SLC9A2: variants seen among roughly 807,000 people sequenced by gnomAD.
The protein encoded by SLC9A2 is sodium/hydrogen exchanger 2.
In SLC9A2, 42 loss-of-function variants were observed where a neutral mutation model predicts 71.7. That is an observed-to-expected ratio of 0.59 (90% CI 0.46 to 0.76). SLC9A2 has a LOEUF of 0.76. Ranked by LOEUF, SLC9A2 falls within the 30% of genes least tolerant of loss-of-function variation. SLC9A2 has a pLI of 0.00. For missense variants in SLC9A2, 829 were observed against 1,017.4 expected (o/e 0.81, Z 2.52); for synonymous variants, 396 against 392.5 (o/e 1.01, Z -0.10).
intron 1 of SLC9A2, among the ~76,000 whole-genome samples, chr2:102,631,055 C>A (rs2104499933): frequency 6.6e-6 from 1 of 152,060 alleles, no homozygotes; most frequent in East Asian, 1.9e-4. Context: ...AATGTTCTTA[C>A]AAAATGGTTT....
At chr2:102,668,825 T>C (rs1573417539) in intron 3 of SLC9A2, among the ~76,000 whole-genome samples, 1 of 152,238 alleles carries the variant, frequency 6.6e-6, no homozygotes, top group Non-Finnish European at 1.5e-5. Context: ...CCATTCATCC[T>C]TCCTTCTGTC....
chr2:102,638,879 T>G (rs1215552363), intron 1 of SLC9A2, among the ~76,000 whole-genome samples: 3 of 152,240 alleles, frequency 2.0e-5, no homozygotes, highest in African/African-American at 7.2e-5. Flanking sequence ...TGCTCTTTTT[T>G]CACTGAACAT....
At chr2:102,690,617 A>G in intron 5 of SLC9A2, among the ~76,000 whole-genome samples, 1 of 152,128 alleles carries the variant, frequency 6.6e-6, no homozygotes, top group East Asian at 1.9e-4. Context: ...AGAAGGGGAA[A>G]TCAGTGTGCA....
chr2:102,688,081 C>T (rs560460217), intron 5 of SLC9A2, among the ~76,000 whole-genome samples: 4 of 152,032 alleles, frequency 2.6e-5, no homozygotes, highest in East Asian at 1.9e-4. Context: ...CATGCCCGGC[C>T]GTGGAATATT....
intron 1 of SLC9A2, among the ~76,000 whole-genome samples, chr2:102,646,583 G>T (rs1044981730): frequency 6.6e-6 from 1 of 151,904 alleles, no homozygotes; most frequent in African/African-American, 2.4e-5. Flanking sequence ...ACACACACAG[G>T]CTCAAAATAA....
rs1332568813 is a variant in SLC9A2, at chr2:102,710,764, A to T, written c.*2275A>T. 1 of 152,328 alleles carries T rather than the reference A, an allele frequency of 6.6e-6. No homozygotes were observed. Among genetic ancestry groups the T allele is most frequent in the African/African-American group, 2.4e-5 (1 of 41,450 alleles). 9.4% of individuals were successfully genotyped at this position (152,328 alleles called of 1,614,324 possible). On this transcript the variant is annotated 3_prime_UTR_variant, in exon 12 of 12. Transcript: ENST00000233969. ...TTTTCACAATCTAAATATTGTCACAATCTAAATTTCTGTAGTAGAGAGAGC... is the reference window on the plus strand; with the variant it reads ...TTTTCACAATCTAAATATTGTCACATTCTAAATTTCTGTAGTAGAGAGAGC...
intron 3 of SLC9A2, among the ~76,000 whole-genome samples, chr2:102,676,165 G>T (rs922262769): frequency 1.3e-5 from 2 of 152,214 alleles, no homozygotes; most frequent in African/African-American, 4.8e-5. Flanking sequence ...ATTGTTGCAT[G>T]CAGGTTTCAC....
At chr2:102,643,563 A>G (rs1458363385) in intron 1 of SLC9A2, among the ~76,000 whole-genome samples, 2 of 152,296 alleles carry the variant, frequency 1.3e-5, no homozygotes, top group East Asian at 3.9e-4. Flanking sequence ...CATGAGAGAC[A>G]AAAAGAAGAC....
At chr2:102,675,735 T>C (rs530665987) in intron 3 of SLC9A2, among the ~76,000 whole-genome samples, 1 of 152,168 alleles carries the variant, frequency 6.6e-6, no homozygotes, top group Non-Finnish European at 1.5e-5. Flanking sequence ...GAAGAATAGT[T>C]GGCAAATGTA....
chr2:102,708,416 C>T lies in SLC9A2; in HGVS notation c.2366C>T (p.Pro789Leu), dbSNP rs768561463. ...DSLTEGIPPK[P>L]PPRLVWRASE... ...TTGACTGAAGGCATCCCGCCCAAGC[C>T]GCCACCACGGCTGGTCTGGAGGGCA... Residue 789 changes from proline to leucine, a missense_variant, in exon 12 of 12, where the codon CCG becomes CTG. This residue lies in a region of SLC9A2 where 223 missense variants were observed against 197.5 expected (regional missense o/e 1.13). Transcript: ENST00000233969. The T allele has an allele frequency of 1.5e-5, 25 of 1,614,062 alleles. No individual in the cohort carries two copies. The highest frequency in any genetic ancestry group is 1.5e-4 in the Admixed American group (9 of 60,008).
intron 10 of SLC9A2, among the ~76,000 whole-genome samples, chr2:102,705,078 C>T (rs1228341852): frequency 2.6e-5 from 4 of 151,604 alleles, no homozygotes; most frequent in East Asian, 1.9e-4. Context: ...TGGTGGCGTG[C>T]GCTTGTAATC....
intron 1 of SLC9A2, among the ~76,000 whole-genome samples, chr2:102,629,657 G>A (rs1676320194): frequency 6.6e-6 from 1 of 151,888 alleles, no homozygotes; most frequent in African/African-American, 2.4e-5. Context: ...ATTTTGGCTT[G>A]GTTGATTTCT....
At chr2:102,635,874 C>G (rs1297170728) in intron 1 of SLC9A2, among the ~76,000 whole-genome samples, 1 of 144,414 alleles carries the variant, frequency 6.9e-6, no homozygotes, top group Admixed American at 7.1e-5. Context: ...TTGGCTCCAT[C>G]TGCATAATTT....
intron 1 of SLC9A2, among the ~76,000 whole-genome samples, chr2:102,641,282 G>A (rs959949210): frequency 4.6e-5 from 7 of 152,120 alleles, no homozygotes; most frequent in African/African-American, 1.7e-4. Context: ...CTCTGTAAAC[G>A]TCTCAAATGA....
chr2:102,683,233 T>A (rs779381723), intron 3 of SLC9A2, 28 bp from the exon 4 acceptor site: 16 of 1,516,754 alleles, frequency 1.1e-5, no homozygotes, highest in Non-Finnish European at 1.5e-5. Context: ...TTGTTAGGTT[T>A]CAATAGAAGC....
chr2:102,652,473 T>C (rs778662173), intron 1 of SLC9A2, among the ~76,000 whole-genome samples: 2 of 152,288 alleles, frequency 1.3e-5, no homozygotes, highest in Non-Finnish European at 2.9e-5. Context: ...TCCTTCTCCT[T>C]GGAATAGGAA....
Position 102,701,149 on chromosome 2 carries a change from T to C in SLC9A2, c.1666T>C (p.Tyr556His), listed in dbSNP as rs766032184. 4 of 1,611,650 alleles carry C rather than the reference T, an allele frequency of 2.5e-6. No homozygotes were observed. Among genetic ancestry groups the C allele is most frequent in the East Asian group, 2.2e-5 (1 of 44,778 alleles). Residue 556 changes from tyrosine to histidine, a missense_variant, in exon 8 of 12, where the codon TAT (tyrosine) becomes CAT (histidine). This residue lies in a region of SLC9A2 where 500 missense variants were observed against 726.3 expected (regional missense o/e 0.69). Coordinates refer to ENST00000233969, the MANE Select transcript of SLC9A2 (RefSeq NM_003048.6). Reference sequence around the variant, plus strand: ...ACCAAAGTCAAGTATTGTATCTTTATATAAAAAGCTTGAAATAAAACATGC... The same window carrying C: ...ACCAAAGTCAAGTATTGTATCTTTACATAAAAAGCTTGAAATAAAACATGC... ...NQPKSSIVSL[Y>H]KKLEIKHAIE... is the part of the protein sequence containing the mutation.
intron 1 of SLC9A2, among the ~76,000 whole-genome samples, chr2:102,646,877 A>G (rs1011502428): frequency 6.6e-6 from 1 of 151,568 alleles, no homozygotes; most frequent in Non-Finnish European, 1.5e-5. Flanking sequence ...ATAGTGGGAA[A>G]CTTTAATACT....
intron 3 of SLC9A2, among the ~76,000 whole-genome samples, chr2:102,673,638 C>A (rs1056295792): frequency 6.6e-6 from 1 of 151,954 alleles, no homozygotes; most frequent in Non-Finnish European, 1.5e-5. Flanking sequence ...CTTGACTGTT[C>A]TTTATGCTTA....
Sources: gnomAD v4.1 joint callset for allele counts (sites outside exome capture counted in the v4.1 genomes callset) on GRCh38, gnomAD v4.1.1 for gene constraint, gnomAD v4.1.1 regional missense constraint, MANE v1.5 for transcripts, NCBI Gene and HGNC (gene_info 2026-07-23, HGNC 2026-07-21) for gene names.